Variants in MGMT observed in about 807,000 individuals in gnomAD.
The protein encoded by MGMT is methylated-DNA--protein-cysteine methyltransferase.
In MGMT, 14 loss-of-function variants were observed where a neutral mutation model predicts 15.9. The ratio of observed to expected loss-of-function variants is 0.88; its 90% CI spans 0.58 to 1.37. The LOEUF is 1.37. Among genes scored for constraint, MGMT ranks in the 40% most tolerant of loss-of-function variants. MGMT has a pLI of 0.00. For synonymous variants in MGMT, 130 were observed against 118.2 expected (o/e 1.10, Z -0.65); for missense variants, 282 against 268.1 (o/e 1.05, Z -0.36).
chr10:129,494,355 C>T (rs368235048), intron 1 of MGMT, among the ~76,000 whole-genome samples: 5 of 152,186 alleles, frequency 3.3e-5, no homozygotes, highest in East Asian at 3.8e-4. Context: ...AGTTCCTAAC[C>T]ACGTGGAGCT....
chr10:129,521,004 G>T (rs905366231), intron 1 of MGMT, among the ~76,000 whole-genome samples: 2 of 151,978 alleles, frequency 1.3e-5, no homozygotes, highest in Admixed American at 6.5e-5. Flanking sequence ...CGCGTACGGG[G>T]CCCCTACGGC....
intron 1 of MGMT, among the ~76,000 whole-genome samples, chr10:129,524,582 C>CTTTTTT (rs66701664): frequency 5.9e-5 from 4 of 68,058 alleles, no homozygotes; most frequent in South Asian, 9.9e-4. Flanking sequence ...TCCAAAAAGA[C>CTTTTTT]TTTTTTTTTT....
chr10:129,683,617 G>C (rs929887682), intron 2 of MGMT, among the ~76,000 whole-genome samples: 1 of 152,122 alleles, frequency 6.6e-6, no homozygotes, highest in Non-Finnish European at 1.5e-5. Flanking sequence ...TCAAGAATGT[G>C]TTCATTCAGT....
At chr10:129,516,637 A>T (rs1845741179) in intron 1 of MGMT, among the ~76,000 whole-genome samples, 1 of 152,208 alleles carries the variant, frequency 6.6e-6, no homozygotes, top group East Asian at 1.9e-4. Flanking sequence ...AACTTTTATC[A>T]GATTAATTTT....
intron 2 of MGMT, among the ~76,000 whole-genome samples, chr10:129,689,271 C>T (rs923536528): frequency 6.6e-6 from 1 of 152,188 alleles, no homozygotes; most frequent in Non-Finnish European, 1.5e-5. Flanking sequence ...CAGTCAGTCA[C>T]TTCTAGCTTT....
intron 1 of MGMT, among the ~76,000 whole-genome samples, chr10:129,522,026 G>C (rs1195417633): frequency 6.6e-6 from 1 of 151,840 alleles, no homozygotes; most frequent in African/African-American, 2.4e-5. Flanking sequence ...AGGGCCCTGT[G>C]TGCTGAACTG....
chr10:129,546,478 G>A (rs954858569), intron 2 of MGMT, among the ~76,000 whole-genome samples: 3 of 152,202 alleles, frequency 2.0e-5, no homozygotes, highest in Non-Finnish European at 4.4e-5. Context: ...GGCATCTGAC[G>A]GGGTGGTGCT....
rs563392293 is a variant in MGMT, at chr10:129,636,215, C to T, written c.126-71680C>T. On this transcript the variant is annotated intron_variant, in intron 2 of 4. Coordinates refer to ENST00000651593, the MANE Select transcript of MGMT (RefSeq NM_002412.5). ...CCAAAGTGCCTCGTATTTTCTCACC[C>T]GAGTCCAGCCGGAGATACTGACCTT... Among the ~76,000 whole-genome samples, 4 of 152,226 alleles carry T rather than the reference C, an allele frequency of 2.6e-5. No homozygotes were observed. In the South Asian group the frequency reaches 8.3e-4, roughly 32 times the overall value.
intron 2 of MGMT, among the ~76,000 whole-genome samples, chr10:129,543,878 G>GGTGA (rs1307247685): frequency 6.6e-6 from 1 of 152,144 alleles, no homozygotes; most frequent in Non-Finnish European, 1.5e-5. Context: ...GCTACAAATA[G>GGTGA]GTGAGTTCAG....
At chr10:129,758,697 G>A (rs1025399545) in intron 3 of MGMT, among the ~76,000 whole-genome samples, 5 of 152,202 alleles carry the variant, frequency 3.3e-5, no homozygotes, top group Admixed American at 3.3e-4. Flanking sequence ...TTGGCACTCC[G>A]AGCAGTAGCT....
chr10:129,610,707 A>G (rs535209828), intron 2 of MGMT, among the ~76,000 whole-genome samples: 128 of 152,338 alleles, frequency 8.4e-4, no homozygotes, highest in Middle Eastern at 6.8e-3. Context: ...GGCAGAGTTG[A>G]ATAGTTGCAA....
intron 1 of MGMT, among the ~76,000 whole-genome samples, chr10:129,516,177 A>G (rs542258650): frequency 3.3e-4 from 51 of 152,292 alleles, no homozygotes; most frequent in African/African-American, 1.2e-3. Flanking sequence ...CTCCATTTGA[A>G]GTTCCAGCCA....
chr10:129,582,750 A>G (rs973730195), intron 2 of MGMT, among the ~76,000 whole-genome samples: 16 of 152,164 alleles, frequency 1.1e-4, no homozygotes, highest in Admixed American at 1.0e-3. Flanking sequence ...TTAGCACACC[A>G]GCGGGTTCCT....
intron 2 of MGMT, among the ~76,000 whole-genome samples, chr10:129,590,119 C>T (rs1332564934): frequency 6.6e-6 from 1 of 152,236 alleles, no homozygotes; most frequent in African/African-American, 2.4e-5. Context: ...ACCGGAGCTT[C>T]TGTTAGGCAG....
rs1027147369 is a variant in MGMT, at chr10:129,532,573, C to T, written c.-12-3668C>T. ...CCCTACTTCAGCTTGCTGGGATTCA[C>T]CCCCAGTGGCCTTCCAAGGCTCCTA... On this transcript the variant is annotated intron_variant, in intron 1 of 4. Coordinates refer to ENST00000651593, the MANE Select transcript of MGMT (RefSeq NM_002412.5). This position sits in a 1 kb window ranked among gnomAD's most constrained non-coding sequence, Gnocchi z 5.3. Among the ~76,000 whole-genome samples, 1 of 152,110 alleles carries T rather than the reference C, an allele frequency of 6.6e-6. No homozygotes were observed. Among genetic ancestry groups the T allele is most frequent in the Admixed American group, 6.5e-5 (1 of 15,278 alleles).
chr10:129,538,231 C>T (rs1051371633), intron 2 of MGMT, among the ~76,000 whole-genome samples: 21 of 152,188 alleles, frequency 1.4e-4, no homozygotes, highest in African/African-American at 3.1e-4. Context: ...GTATAACTAC[C>T]GCCGAAGATA....
In MGMT at chr10:129,762,238, G is replaced by A. The variant is rs544775354; in HGVS notation, c.414+2897G>A. ...CCCTTATATTCAGGATGAATAGAGT[G>A]ATTGTGCATTTAAGGGAGGAGAGTG... On this transcript the variant is annotated intron_variant, in intron 4 of 4. Transcript: ENST00000651593. Among the ~76,000 whole-genome samples, 3 of 152,362 alleles carry A rather than the reference G, an allele frequency of 2.0e-5. No homozygotes were observed. In the South Asian group the frequency reaches 6.2e-4, roughly 32 times the overall value.
At chr10:129,514,134 C>A (rs1020722136) in intron 1 of MGMT, among the ~76,000 whole-genome samples, 2 of 152,124 alleles carry the variant, frequency 1.3e-5, no homozygotes, top group African/African-American at 4.8e-5. Flanking sequence ...AATGTACCTG[C>A]TGAATTTTGT....
chr10:129,687,081 A>G (rs11016877), intron 2 of MGMT, among the ~76,000 whole-genome samples: 115,879 of 152,188 alleles, frequency 0.76, 45,053 homozygotes, highest in African/African-American at 0.93. Flanking sequence ...ACCCTGTGTC[A>G]CAAATAGTAG....
Sources: allele counts gnomAD v4.1 joint callset (sites outside exome capture counted in the v4.1 genomes callset), GRCh38; gene constraint gnomAD v4.1.1; non-coding constraint Gnocchi (gnomAD v3.1); transcripts MANE v1.5; gene names NCBI Gene and HGNC (gene_info 2026-07-23, HGNC 2026-07-21).